AFF2: variants seen among roughly 807,000 people sequenced by gnomAD.
AFF2 encodes AF4/FMR2 family member 2.
In AFF2, 14 loss-of-function variants were observed where a neutral mutation model predicts 76.9. The observed-to-expected ratio is 0.18, with a 90% confidence interval of 0.12 to 0.28. The LOEUF (loss-of-function observed/expected upper bound fraction) is 0.28. Among genes scored for constraint, AFF2 ranks in the 10% least tolerant of loss-of-function variants. The probability of loss-of-function intolerance (pLI) is 1.00; values close to 1 mark genes in which losing one functional copy is unlikely to be tolerated. For synonymous variants in AFF2, 398 were observed against 366.7 expected (o/e 1.09, Z -0.98); for missense variants, 868 against 1,001.1 (o/e 0.87, Z 1.79).
intron 2 of AFF2, among the ~76,000 whole-genome samples, chrX:148,657,890 G>T (rs1004260181): frequency 2.9e-4 from 32 of 112,158 alleles, no homozygotes; most frequent in African/African-American, 1.0e-3. Flanking sequence ...GACTCTGGAG[G>T]GTGAAAAAGA....
intron 3 of AFF2, among the ~76,000 whole-genome samples, chrX:148,679,188 G>A (rs1217672521): frequency 1.9e-5 from 2 of 103,761 alleles, no homozygotes; most frequent in African/African-American, 3.5e-5. Context: ...AGCAATATAC[G>A]TATAAAAGCT....
chrX:148,971,747 CT>C lies in AFF2; in HGVS notation c.3268-1702del, dbSNP rs781928514. 5.2e-3 allele frequency among the ~76,000 whole-genome samples: 233 copies of C among 44,709 alleles called. 3 individuals are homozygous for C. The highest frequency in any genetic ancestry group is 0.021 in the African/African-American group (222 of 10,561). The allele number at this position is 44,709 out of a possible 115,157, so 38.8% of individuals were successfully genotyped here. On this transcript the variant is annotated intron_variant, in intron 15 of 20. Transcript: ENST00000370460. The stretch of plus-strand genomic sequence containing the variant: ...CTAGAAAATATTTTTTTTTCTATTT[CT>C]TTTTTTTTTTTTTTTTTTTTTAATG...
chrX:148,757,897 T>A (rs2069393792), intron 3 of AFF2, among the ~76,000 whole-genome samples: 1 of 112,373 alleles, frequency 8.9e-6, no homozygotes, highest in South Asian at 3.6e-4. Flanking sequence ...AAACAAAAGT[T>A]CGTTCTCATA....
chrX:148,534,101 C>T (rs2052758436), intron 1 of AFF2, among the ~76,000 whole-genome samples: 1 of 112,248 alleles, frequency 8.9e-6, no homozygotes, highest in Non-Finnish European at 1.9e-5. Context: ...CTAATTCACT[C>T]TAACTCACTA....
chrX:148,596,593 C>A (rs2053574319), intron 1 of AFF2, among the ~76,000 whole-genome samples: 1 of 112,094 alleles, frequency 8.9e-6, no homozygotes, highest in African/African-American at 3.2e-5. Flanking sequence ...TTCCCATTAG[C>A]CTCACTTTTT....
chrX:148,556,137 C>A (rs963846615), intron 1 of AFF2, among the ~76,000 whole-genome samples: 3 of 112,085 alleles, frequency 2.7e-5, no homozygotes, highest in Non-Finnish European at 5.6e-5. Context: ...TACCCCAAGG[C>A]ATTAGATGCC....
At chrX:148,742,412 A>G (rs1209446739) in intron 3 of AFF2, among the ~76,000 whole-genome samples, 2 of 112,279 alleles carry the variant, frequency 1.8e-5, no homozygotes, top group Non-Finnish European at 3.8e-5. Context: ...GGAGAAAGTA[A>G]GATTTTGGTT....
chrX:148,637,386 G>A (rs1244658291), intron 1 of AFF2, among the ~76,000 whole-genome samples: 1 of 112,193 alleles, frequency 8.9e-6, no homozygotes, highest in Non-Finnish European at 1.9e-5. Flanking sequence ...ATGGCATAAG[G>A]CCGCATAGGT....
At chrX:148,759,842 C>A (rs1317494366) in intron 3 of AFF2, among the ~76,000 whole-genome samples, 1 of 112,160 alleles carries the variant, frequency 8.9e-6, no homozygotes, top group Non-Finnish European at 1.9e-5. Context: ...GTGATTATGA[C>A]AATGCCTGAA....
At chrX:148,931,991 C>T (rs1171478904) in intron 9 of AFF2, among the ~76,000 whole-genome samples, 1 of 111,946 alleles carries the variant, frequency 8.9e-6, no homozygotes, top group Non-Finnish European at 1.9e-5. Context: ...TAGTAGACTC[C>T]ACTGGGAGCC....
rs1329071766 is a variant in AFF2 at position 148,931,796 on chromosome X, G to A, written c.1398-21784G>A. On this transcript the variant is annotated intron_variant, in intron 9 of 20. Coordinates refer to ENST00000370460, the MANE Select transcript of AFF2 (RefSeq NM_002025.4). ...CTAGTTCAGAACACCATTATGGGAA[G>A]AATCCACTCCAGAAAGAAAAGAGTG... Among the ~76,000 whole-genome samples the A allele has an allele frequency of 4.5e-5, 5 of 112,005 alleles. No individual in the cohort carries two copies. The East Asian group carries it at 1.1e-3, about 25-fold the overall frequency.
At chrX:148,897,265 ATATATATG>A (rs1299010815) in intron 8 of AFF2, among the ~76,000 whole-genome samples, 659 of 32,564 alleles carry the variant, frequency 0.02, 154 homozygotes, top group African/African-American at 0.042. Context: ...ATATATATAT[ATATATATG>A]TATATGAAAA....
intron 1 of AFF2, among the ~76,000 whole-genome samples, chrX:148,640,470 A>G (rs1314462666): frequency 9.1e-6 from 1 of 109,722 alleles, no homozygotes; most frequent in Non-Finnish European, 1.9e-5. Context: ...CAAGTGATTG[A>G]GCTCTGATTT....
At position 148,607,125 on chromosome X, in the gene AFF2, G is replaced by A. The variant is rs897901785; in HGVS notation, c.48-44874G>A. On this transcript the variant is annotated intron_variant, in intron 1 of 20. Coordinates refer to ENST00000370460, the MANE Select transcript of AFF2 (RefSeq NM_002025.4). ...AGATGAGGAAACAGAATCTCATAAA[G>A]GTAAAGTAACTGGCTCCCATGCTCA... Among the ~76,000 whole-genome samples, 8 of 111,424 alleles carry A rather than the reference G, an allele frequency of 7.2e-5. No homozygotes were observed. In the Admixed American group the frequency reaches 7.6e-4, roughly 11 times the overall value.
intron 8 of AFF2, among the ~76,000 whole-genome samples, chrX:148,894,890 TAG>T (rs1222444533): frequency 1.7e-4 from 18 of 109,007 alleles, no homozygotes; most frequent in African/African-American, 6.3e-4. Context: ...AAATGTGAGA[TAG>T]ATAGATATAT....
intron 12 of AFF2, 141 bp from the exon 13 acceptor site, chrX:148,962,574 C>A: frequency 2.2e-6 from 1 of 458,268 alleles, no homozygotes; most frequent in Non-Finnish European, 3.7e-6. Context: ...TGTCTATATG[C>A]ATTTTTAGAT....
chrX:148,979,239 A>C (rs1210635243), intron 18 of AFF2, among the ~76,000 whole-genome samples: 2 of 111,849 alleles, frequency 1.8e-5, no homozygotes, highest in Non-Finnish European at 3.8e-5. Context: ...ATACCAAAGT[A>C]GTTGTTTGAA....
At chrX:148,678,751 C>T (rs1225916713) in intron 3 of AFF2, among the ~76,000 whole-genome samples, 1 of 111,684 alleles carries the variant, frequency 9.0e-6, no homozygotes, top group Non-Finnish European at 1.9e-5. Flanking sequence ...CATCTAACTT[C>T]TATATTTTGA....
At chrX:148,704,609 C>A (rs1173779778) in intron 3 of AFF2, among the ~76,000 whole-genome samples, 2 of 104,640 alleles carry the variant, frequency 1.9e-5, no homozygotes, top group African/African-American at 6.9e-5. Context: ...TCACTGCAAC[C>A]TCCACTTCCC....
Sources: allele counts gnomAD v4.1 joint callset (sites outside exome capture counted in the v4.1 genomes callset), GRCh38; gene constraint gnomAD v4.1.1; transcripts MANE v1.5; gene names NCBI Gene and HGNC (gene_info 2026-07-23, HGNC 2026-07-21).